ACTR5: variants seen among roughly 807,000 people sequenced by gnomAD.
The protein encoded by ACTR5 is actin related protein 5, also known as actin-related protein 5.
A neutral mutation model predicts 61.2 loss-of-function variants in ACTR5; 43 were observed. The ratio of observed to expected loss-of-function variants is 0.70; its 90% CI spans 0.55 to 0.91. The LOEUF is 0.91. ACTR5 is among the 40% of genes least tolerant of loss of function. ACTR5 has a pLI of 0.00. For missense variants in ACTR5, 798 were observed against 782.2 expected, an observed-to-expected ratio of 1.02 and a Z score of -0.24; for synonymous variants, 333 against 310.5, an observed-to-expected ratio of 1.07 and a Z score of -0.76.
chr20:38,748,560 C>T lies in ACTR5; in HGVS notation c.82C>T (p.Pro28Ser), dbSNP rs917850545. ...GGAGGCCGGCCCGGTGGCACACGGG[C>T]CACTGCCGGTACCGCTGGTGCTGGA... ...VLEAGPVAHG[P>S]LPVPLVLDNG... The change falls in exon 1 of 9, where the codon CCA (proline) becomes TCA (serine). Residue 28 changes from proline (P) to serine (S), a missense_variant. Coordinates refer to ENST00000243903, the MANE Select transcript of ACTR5 (RefSeq NM_024855.4). 3 of 1,517,704 alleles carry T rather than the reference C, an allele frequency of 2.0e-6. No individual in the cohort carries two copies. Among genetic ancestry groups the T allele is most frequent in the Non-Finnish European group, 2.6e-6 (3 of 1,136,226 alleles). 94.0% of individuals were successfully genotyped at this position (1,517,704 alleles called of 1,614,324 possible).
chr20:38,763,332 C>T (rs1035341421), intron 5 of ACTR5, among the ~76,000 whole-genome samples: 4 of 152,170 alleles, frequency 2.6e-5, no homozygotes, highest in Non-Finnish European at 5.9e-5. Context: ...TGGTAGGGCT[C>T]CTTTCTTGTG....
At chr20:38,756,423 C>G in intron 5 of ACTR5, among the ~76,000 whole-genome samples, 1 of 152,074 alleles carries the variant, frequency 6.6e-6, no homozygotes, top group South Asian at 2.1e-4. Context: ...TTGATGTTCC[C>G]TAAGGACAGG....
chr20:38,748,728 C>G lies in ACTR5; in HGVS notation c.250C>G (p.Leu84Val). Reference protein sequence around the residue: ...GASGPQVGNALGSLEPLRWML... With the variant: ...GASGPQVGNAVGSLEPLRWML... ...GTCGGGCCCGCAGGTGGGGAACGCT[C>G]TGGGCAGCCTGGAGCCACTGCGCTG... Residue 84 changes from leucine to valine, a missense_variant, in exon 1 of 9, where the codon CTG becomes GTG. Physicochemically the swap from Leu to Val is conservative, Grantham distance 32. Coordinates refer to ENST00000243903, the MANE Select transcript of ACTR5 (RefSeq NM_024855.4). 1 of 1,568,098 alleles carries G rather than the reference C, an allele frequency of 6.4e-7. No homozygotes were observed. The highest frequency in any genetic ancestry group is 8.6e-7 in the Non-Finnish European group (1 of 1,159,494).
intron 5 of ACTR5, among the ~76,000 whole-genome samples, chr20:38,759,114 G>T (rs6027817): frequency 0.012 from 1,823 of 152,286 alleles, 39 homozygotes; most frequent in African/African-American, 0.041. Flanking sequence ...AGGGTAGGAG[G>T]GGGGAGAACA....
At chr20:38,762,511 A>G (rs2084461107) in intron 5 of ACTR5, among the ~76,000 whole-genome samples, 1 of 152,256 alleles carries the variant, frequency 6.6e-6, no homozygotes, top group South Asian at 2.1e-4. Flanking sequence ...TCAAGGTCAC[A>G]TTACAGAAAA....
At chr20:38,751,569 G>T (rs181757880) in intron 2 of ACTR5, among the ~76,000 whole-genome samples, 4 of 152,276 alleles carry the variant, frequency 2.6e-5, no homozygotes, top group Admixed American at 2.0e-4. Context: ...TGACATTTTA[G>T]TTCCCTACAG....
At chr20:38,767,805 C>T (rs545586560) in intron 8 of ACTR5, among the ~76,000 whole-genome samples, 7 of 152,162 alleles carry the variant, frequency 4.6e-5, no homozygotes, top group African/African-American at 1.2e-4. Flanking sequence ...TGAAGACATG[C>T]GTAGAATTCT....
intron 8 of ACTR5, 64 bp downstream of exon 8, chr20:38,767,660 G>C: frequency 1.3e-6 from 2 of 1,522,316 alleles, no homozygotes; most frequent in Non-Finnish European, 1.8e-6. Flanking sequence ...GATTGCAAAA[G>C]TAATAATCAT....
At position 38,772,210 on chromosome 20, in the gene ACTR5, T is replaced by G; in HGVS notation, c.*394T>G. ...AAATTTATCTTGTCCGTGTAGATAC[T>G]TTATTCTTCTGGATGTATTCAGAAA... On this transcript the variant is annotated 3_prime_UTR_variant, in exon 9 of 9. Transcript: ENST00000243903. 1 of 193,420 alleles carries G rather than the reference T, an allele frequency of 5.2e-6. No individual in the cohort carries two copies. Among genetic ancestry groups the G allele is most frequent in the Non-Finnish European group, 1.1e-5 (1 of 92,732 alleles). The allele number at this position is 193,420 out of a possible 1,614,324, so 12.0% of individuals were successfully genotyped here. A position where few individuals can be genotyped will look rare whatever the true frequency, so the allele number is the denominator to read the frequency against.
intron 6 of ACTR5, among the ~76,000 whole-genome samples, chr20:38,765,920 G>A (rs561095514): frequency 1.1e-3 from 163 of 152,278 alleles, no homozygotes; most frequent in African/African-American, 3.8e-3. Flanking sequence ...CTTCCTTGCC[G>A]TGCAGGGATA....
At chr20:38,768,752 T>C (rs1164967162) in intron 8 of ACTR5, among the ~76,000 whole-genome samples, 1 of 152,144 alleles carries the variant, frequency 6.6e-6, no homozygotes, top group Non-Finnish European at 1.5e-5. Context: ...ATATCCAAGT[T>C]CCCAGATGCC....
At position 38,750,088 on chromosome 20, in the gene ACTR5, C is replaced by A. The variant is rs761611367; in HGVS notation, c.454C>A (p.Leu152Ile). 1 of 1,614,190 alleles carries A rather than the reference C, an allele frequency of 6.2e-7. No homozygotes were observed. Among genetic ancestry groups the A allele is most frequent in the Non-Finnish European group, 8.5e-7 (1 of 1,180,026 alleles). Residue 152 changes from leucine to isoleucine, a missense_variant, in exon 2 of 9, where the codon CTT (leucine) becomes ATT (isoleucine). Physicochemically the swap from Leu to Ile is conservative, Grantham distance 5. Coordinates refer to ENST00000243903, the MANE Select transcript of ACTR5 (RefSeq NM_024855.4). ...LYSRQMMSEL[L>I]FECYGIPKVA... ...TTCACGGCAAATGATGTCTGAGCTT[C>A]TTTTTGAGTGCTACGGGATTCCCAA...
intron 3 of ACTR5, among the ~76,000 whole-genome samples, chr20:38,753,919 T>C (rs1396678222): frequency 1.3e-5 from 2 of 151,258 alleles, no homozygotes; most frequent in African/African-American, 4.9e-5. Context: ...TGTTTTTTAC[T>C]CTACCTTTTT....
intron 7 of ACTR5, 114 bp downstream of exon 7, chr20:38,766,491 T>G: frequency 7.7e-7 from 1 of 1,305,056 alleles, no homozygotes; most frequent in Non-Finnish European, 1.0e-6. Context: ...CTCTCTTCTT[T>G]TCATTGACTT....
At chr20:38,755,808 T>C (rs1347938467) in intron 4 of ACTR5, 49 bp from the exon 5 acceptor site, 1 of 1,608,782 alleles carries the variant, frequency 6.2e-7, no homozygotes, top group South Asian at 1.1e-5. Flanking sequence ...TTTTCTCCGT[T>C]TGGCTTTGAA....
chr20:38,766,297 T>C lies in ACTR5; in HGVS notation c.1353T>C (p.Ala451=). ...QLFVGTERIR[A]PEIIFQPSLI... is the part of the protein sequence containing the mutation. Reference sequence around the variant, plus strand: ...TTGTTGGGACAGAAAGAATTCGAGCTCCAGAGATTATTTTCCAGCCATCTC... The same window carrying C: ...TTGTTGGGACAGAAAGAATTCGAGCCCCAGAGATTATTTTCCAGCCATCTC... Residue 451 remains alanine (A), a synonymous_variant, in exon 7 of 9, where the codon GCT becomes GCC. Coordinates refer to ENST00000243903, the MANE Select transcript of ACTR5 (RefSeq NM_024855.4). The C allele has an allele frequency of 1.2e-6, 2 of 1,614,058 alleles. No individual in the cohort carries two copies. The highest frequency in any genetic ancestry group is 1.7e-6 in the Non-Finnish European group (2 of 1,180,006).
intron 7 of ACTR5, among the ~76,000 whole-genome samples, chr20:38,766,644 ACATGTACACTGGTTTC>A (rs1389482599): frequency 6.6e-6 from 1 of 152,200 alleles, no homozygotes; most frequent in African/African-American, 2.4e-5. Context: ...CAACCCGATA[ACATGTACACTGGTTTC>A]CATGTAAACC....
At chr20:38,756,339 A>G (rs535084684) in intron 5 of ACTR5, among the ~76,000 whole-genome samples, 17 of 152,330 alleles carry the variant, frequency 1.1e-4, no homozygotes, top group Non-Finnish European at 2.1e-4. Context: ...TGGCAGTCAT[A>G]TACTTCCTTT....
At chr20:38,753,362 A>G (rs549863512) in intron 3 of ACTR5, among the ~76,000 whole-genome samples, 2 of 152,264 alleles carry the variant, frequency 1.3e-5, no homozygotes, top group African/African-American at 4.8e-5. Flanking sequence ...TTTTATCCAC[A>G]ATAAACAGGA....
Sources: gnomAD v4.1 joint callset for allele counts (sites outside exome capture counted in the v4.1 genomes callset) on GRCh38, gnomAD v4.1.1 for gene constraint, MANE v1.5 for transcripts, NCBI Gene and HGNC (gene_info 2026-07-23, HGNC 2026-07-21) for gene names.